ZBTB20: variants seen among roughly 807,000 people sequenced by gnomAD.
ZBTB20 encodes zinc finger and BTB domain containing 20, also known as zinc finger and BTB domain-containing protein 20.
A neutral mutation model predicts 56.9 loss-of-function variants in ZBTB20; 9 were observed. That is an observed-to-expected ratio of 0.16 (90% CI 0.10 to 0.28). The LOEUF (loss-of-function observed/expected upper bound fraction) is 0.28, where lower values mean the gene tolerates loss of function less well. ZBTB20 is among the 10% of genes least tolerant of loss of function. The probability of loss-of-function intolerance (pLI) is 1.00; values close to 1 mark genes in which losing one functional copy is unlikely to be tolerated. For synonymous variants in ZBTB20, 417 were observed against 420.7 expected (o/e 0.99, Z 0.11); for missense variants, 655 against 1,003.0 (o/e 0.65, Z 4.69).
At chr3:114,588,026 T>G (rs1050744920) in intron 6 of ZBTB20, among the ~76,000 whole-genome samples, 8 of 152,208 alleles carry the variant, frequency 5.3e-5, no homozygotes, top group Non-Finnish European at 1.2e-4. Flanking sequence ...GGCATCTCCT[T>G]GTGTCCATGA....
chr3:114,360,660 A>G (rs1268429009), intron 10 of ZBTB20, among the ~76,000 whole-genome samples: 5 of 152,024 alleles, frequency 3.3e-5, no homozygotes, highest in Non-Finnish European at 5.9e-5. Flanking sequence ...CAATTTCTCT[A>G]TGGACTTGAG....
intron 4 of ZBTB20, among the ~76,000 whole-genome samples, chr3:114,882,842 T>C (rs2076448556): frequency 6.6e-6 from 1 of 152,152 alleles, no homozygotes; most frequent in Non-Finnish European, 1.5e-5. Context: ...CTTTATATCC[T>C]TGTGTACCAT....
intron 2 of ZBTB20, among the ~76,000 whole-genome samples, chr3:115,052,410 TTGCACCGG>T (rs2081587317): frequency 6.6e-6 from 1 of 151,558 alleles, no homozygotes; most frequent in Non-Finnish European, 1.5e-5. Context: ...TGAGCCAAAA[TTGCACCGG>T]TGCACTCCAA....
chr3:114,877,959 T>C (rs1435073635), intron 4 of ZBTB20, among the ~76,000 whole-genome samples: 1 of 152,160 alleles, frequency 6.6e-6, no homozygotes, highest in African/African-American at 2.4e-5. Context: ...GCTTGGTGAC[T>C]GTGTAAGCTC....
intron 1 of ZBTB20, among the ~76,000 whole-genome samples, chr3:115,138,379 A>G (rs2084711452): frequency 6.6e-6 from 1 of 152,102 alleles, no homozygotes; most frequent in East Asian, 1.9e-4. Flanking sequence ...TCTAGACTGA[A>G]GAGTTATATT....
intron 4 of ZBTB20, among the ~76,000 whole-genome samples, chr3:114,825,490 C>A (rs978336681): frequency 6.6e-6 from 1 of 151,852 alleles, no homozygotes; most frequent in Non-Finnish European, 1.5e-5. Flanking sequence ...GAAGGGGGTT[C>A]CACTTCCTAA....
chr3:114,548,735 T>C lies in ZBTB20; in HGVS notation c.-294-48344A>G, dbSNP rs1044396865. Among the ~76,000 whole-genome samples, 3 of 152,020 alleles carry C rather than the reference T, an allele frequency of 2.0e-5. No individual in the cohort carries two copies. The South Asian group carries it at 6.2e-4, about 32-fold the overall frequency. On this transcript the variant is annotated intron_variant, in intron 6 of 11. Transcript: ENST00000675478. Reference sequence around the variant, plus strand: ...GGTTTCGCCATATTGGCCAGGCTGGTCTCAAATGCCTGGCCTCAAGTGATC... The same window carrying C: ...GGTTTCGCCATATTGGCCAGGCTGGCCTCAAATGCCTGGCCTCAAGTGATC...
chr3:114,487,561 T>C (rs1485138287), intron 7 of ZBTB20, among the ~76,000 whole-genome samples: 1 of 152,188 alleles, frequency 6.6e-6, no homozygotes, highest in Non-Finnish European at 1.5e-5. Flanking sequence ...GCAAATGAAC[T>C]TCTGTGGTCA....
intron 2 of ZBTB20, among the ~76,000 whole-genome samples, chr3:115,035,344 T>C (rs980612906): frequency 2.0e-5 from 3 of 152,028 alleles, no homozygotes; most frequent in Admixed American, 6.6e-5. Flanking sequence ...ATCCAAAATA[T>C]ACAGAGAACT....
At chr3:114,932,325 A>T (rs987219938) in intron 3 of ZBTB20, among the ~76,000 whole-genome samples, 8 of 152,236 alleles carry the variant, frequency 5.3e-5, no homozygotes, top group African/African-American at 1.9e-4. Flanking sequence ...GCCTGTCCAC[A>T]GGCTGATCAA....
chr3:114,416,450 C>T (rs1185564334), intron 7 of ZBTB20, among the ~76,000 whole-genome samples: 1 of 151,822 alleles, frequency 6.6e-6, no homozygotes, highest in Non-Finnish European at 1.5e-5. Context: ...TTGCTTGCAA[C>T]ATACAGGGTT....
intron 6 of ZBTB20, among the ~76,000 whole-genome samples, chr3:114,607,885 G>A (rs1425654307): frequency 6.6e-6 from 1 of 152,072 alleles, no homozygotes; most frequent in Non-Finnish European, 1.5e-5. Flanking sequence ...CCCCAAACAA[G>A]GCTGCAGAAG....
At chr3:114,593,127 G>A (rs1399982716) in intron 6 of ZBTB20, among the ~76,000 whole-genome samples, 1 of 152,168 alleles carries the variant, frequency 6.6e-6, no homozygotes, top group South Asian at 2.1e-4. Context: ...CAACGACACT[G>A]TCCCCTGGGA....
intron 6 of ZBTB20, chr3:114,503,002 T>C (rs1577137785): frequency 1.3e-5 from 2 of 152,344 alleles, no homozygotes; most frequent in East Asian, 1.9e-4. Context: ...GTTTATGTTC[T>C]TATATCTAAA....
intron 6 of ZBTB20, among the ~76,000 whole-genome samples, chr3:114,610,714 G>C (rs143471666): frequency 2.0e-5 from 3 of 152,274 alleles, no homozygotes; most frequent in African/African-American, 7.2e-5. Context: ...GATGTGTACT[G>C]GTGGTCTACT....
intron 6 of ZBTB20, among the ~76,000 whole-genome samples, chr3:114,540,879 C>T (rs2049033080): frequency 6.6e-6 from 1 of 151,848 alleles, no homozygotes; most frequent in Non-Finnish European, 1.5e-5. Flanking sequence ...TCCTTTTATC[C>T]TTGTATCCCC....
intron 5 of ZBTB20, among the ~76,000 whole-genome samples, chr3:114,728,316 G>A (rs2065458565): frequency 6.6e-6 from 1 of 152,190 alleles, no homozygotes; most frequent in Non-Finnish European, 1.5e-5. Context: ...GGGTAGGTAA[G>A]TAGAGAAAGT....
intron 6 of ZBTB20, among the ~76,000 whole-genome samples, chr3:114,640,288 G>A (rs987489214): frequency 3.3e-5 from 5 of 152,126 alleles, no homozygotes; most frequent in East Asian, 1.9e-4. Flanking sequence ...GGGACAGGGC[G>A]GGGTGAATGA....
intron 5 of ZBTB20, among the ~76,000 whole-genome samples, chr3:114,762,639 T>C (rs1429913934): frequency 3.3e-5 from 5 of 152,164 alleles, no homozygotes; most frequent in African/African-American, 1.2e-4. Flanking sequence ...TTGGCTGAGA[T>C]ATTTTGTATG....
Sources: gnomAD v4.1 joint callset for allele counts (sites outside exome capture counted in the v4.1 genomes callset) on GRCh38, gnomAD v4.1.1 for gene constraint, MANE v1.5 for transcripts, NCBI Gene and HGNC (gene_info 2026-07-23, HGNC 2026-07-21) for gene names.